Variants in CHEK2 observed in about 807,000 individuals in gnomAD.
The protein encoded by CHEK2 is serine/threonine-protein kinase Chk2.
Under a neutral mutation model 69.1 loss-of-function variants are expected in CHEK2, and 71 were observed. That is an observed-to-expected ratio of 1.03 (90% confidence interval 0.85 to 1.25). The LOEUF (loss-of-function observed/expected upper bound fraction) is 1.25, where lower values mean the gene tolerates loss of function less well. CHEK2 is among the 50% of genes most tolerant of loss of function. The pLI, the probability that CHEK2 is intolerant of heterozygous loss-of-function variation, is 0.00. For synonymous variants in CHEK2, 189 were observed against 226.9 expected, an observed-to-expected ratio of 0.83 and a Z score of 1.50; for missense variants, 664 against 649.6, an observed-to-expected ratio of 1.02 and a Z score of -0.24.
At chr22:28,718,304 G>C (rs1198558149) in intron 5 of CHEK2, among the ~76,000 whole-genome samples, 1 of 152,144 alleles carries the variant, frequency 6.6e-6, no homozygotes, top group Non-Finnish European at 1.5e-5. Context: ...GTGAAGAAAA[G>C]AGAACCCTGG....
chr22:28,698,910 A>G (rs1346402729), intron 9 of CHEK2, among the ~76,000 whole-genome samples: 5 of 152,168 alleles, frequency 3.3e-5, no homozygotes, highest in Admixed American at 3.3e-4. Flanking sequence ...CTCTGAGTTA[A>G]GAGAGACTTC....
chr22:28,704,802 CAA>C (rs2053044475), intron 7 of CHEK2, among the ~76,000 whole-genome samples: 1 of 152,106 alleles, frequency 6.6e-6, no homozygotes, highest in Non-Finnish European at 1.5e-5. Flanking sequence ...GTTTTAGATT[CAA>C]AAGAGTGGTA....
chr22:28,723,300 A>G (rs1308457095), intron 4 of CHEK2, among the ~76,000 whole-genome samples: 1 of 152,174 alleles, frequency 6.6e-6, no homozygotes, highest in African/African-American at 2.4e-5. Context: ...TACCTGGCAT[A>G]TAAAAAGAGC....
intron 2 of CHEK2, 127 bp downstream of exon 2, chr22:28,734,276 T>C: frequency 1.2e-6 from 1 of 809,972 alleles, no homozygotes; most frequent in Non-Finnish European, 2.0e-6. Flanking sequence ...TCATGCATGA[T>C]GTTCAATTAT....
Position 28,730,204 on chromosome 22 carries a change from G to C in CHEK2, c.319+4199C>G, listed in dbSNP as rs1240764420. ...TTCAGATATCAGAGGAGAAAGGAGAGAGGAAGAGAGAAGAGGAGAGAGAAG... is the reference window on the plus strand; with the variant it reads ...TTCAGATATCAGAGGAGAAAGGAGACAGGAAGAGAGAAGAGGAGAGAGAAG... On this transcript the variant is annotated intron_variant, in intron 2 of 14. Coordinates refer to ENST00000404276, the MANE Select transcript of CHEK2 (RefSeq NM_007194.4). Among the ~76,000 whole-genome samples, 3 of 138,296 alleles carry C rather than the reference G, an allele frequency of 2.2e-5. 1 individual carries two copies. The highest frequency in any genetic ancestry group is 8.1e-5 in the African/African-American group (3 of 36,818). 90.7% of individuals were successfully genotyped at this position (138,296 alleles called of 152,430 possible). A position where few individuals can be genotyped will look rare whatever the true frequency, so the allele number is the denominator to read the frequency against.
chr22:28,733,082 A>G (rs953286082), intron 2 of CHEK2, among the ~76,000 whole-genome samples: 2 of 152,180 alleles, frequency 1.3e-5, no homozygotes, highest in South Asian at 2.1e-4. Context: ...GTGAGCCACC[A>G]TGCCTGGCAA....
intron 5 of CHEK2, among the ~76,000 whole-genome samples, chr22:28,718,708 C>T (rs1337121318): frequency 6.6e-6 from 1 of 151,612 alleles, no homozygotes; most frequent in Non-Finnish European, 1.5e-5. Flanking sequence ...ATGGTAATAC[C>T]CCATCTCTAC....
At chr22:28,703,587 A>T in intron 7 of CHEK2, 21 bp from the exon 8 acceptor site, 1 of 1,488,830 alleles carries the variant, frequency 6.7e-7, no homozygotes, top group Non-Finnish European at 9.3e-7. Context: ...GGGGAGAAAA[A>T]AGGGAAAGTA....
intron 2 of CHEK2, among the ~76,000 whole-genome samples, chr22:28,733,929 A>G (rs1489234052): frequency 2.6e-5 from 4 of 151,986 alleles, no homozygotes; most frequent in Non-Finnish European, 4.4e-5. Flanking sequence ...TGCCAAAAAA[A>G]AAAAAAAAAA....
At chr22:28,698,268 G>A (rs2052672664) in intron 9 of CHEK2, among the ~76,000 whole-genome samples, 1 of 147,398 alleles carries the variant, frequency 6.8e-6, no homozygotes, top group Admixed American at 6.8e-5. Context: ...ATGGTGGCAG[G>A]CACCTGTAAT....
chr22:28,710,206 G>A, intron 6 of CHEK2, 147 bp from the exon 7 acceptor site: 1 of 597,210 alleles, frequency 1.7e-6, no homozygotes, highest in Non-Finnish European at 3.1e-6. Context: ...CCAGGTCAAT[G>A]ACTTAAATAC....
chr22:28,702,429 A>G (rs112564028), intron 8 of CHEK2, among the ~76,000 whole-genome samples: 6,915 of 150,394 alleles, frequency 0.046, 229 homozygotes, highest in African/African-American at 0.091. Flanking sequence ...TAGTAGAGAC[A>G]GGGTTTCACC....
rs758434121 is a variant in CHEK2, at chr22:28,696,938, A to T, written c.1058T>A (p.Val353Asp). 6.2e-7 allele frequency: 1 copy of T among 1,613,596 alleles called. No individual in the cohort carries two copies. Among genetic ancestry groups the T allele is most frequent in the Non-Finnish European group, 8.5e-7 (1 of 1,179,574 alleles). ...IIHRDLKPEN[V>D]LLSSQEEDCL... ...GTCCTCTTCTTGAGATGACAGTAAA[A>T]CATTCTCTGGCTTTAAGTCACGGTG... The change falls in exon 10 of 15, where the codon GTT becomes GAT. Residue 353 changes from valine (V) to aspartate (D), a missense_variant. By Grantham distance (152) the Val-to-Asp change is radical. Coordinates refer to ENST00000404276, the MANE Select transcript of CHEK2 (RefSeq NM_007194.4).
chr22:28,695,434 A>C (rs1265856536), intron 11 of CHEK2, among the ~76,000 whole-genome samples, 192 bp from the exon 12 acceptor site: 1 of 152,176 alleles, frequency 6.6e-6, no homozygotes, highest in Non-Finnish European at 1.5e-5. Context: ...AGGCAGGAGG[A>C]TCACTTGAGC....
At chr22:28,722,981 T>G (rs1216824994) in intron 4 of CHEK2, among the ~76,000 whole-genome samples, 12 of 152,182 alleles carry the variant, frequency 7.9e-5, no homozygotes, top group Non-Finnish European at 1.8e-4. Flanking sequence ...CTCCAAGTCA[T>G]TCGACTCTCA....
Position 28,695,252 on chromosome 22 carries a change from G to A in CHEK2, c.1260-10C>T, listed in dbSNP as rs730881706. 2 of 1,456,974 alleles carry A rather than the reference G, an allele frequency of 1.4e-6. No individual in the cohort carries two copies. The highest frequency in any genetic ancestry group is 1.7e-5 in the Admixed American group (1 of 59,732). 90.3% of individuals were successfully genotyped at this position (1,456,974 alleles called of 1,614,324 possible). A position where few individuals can be genotyped will look rare whatever the true frequency, so the allele number is the denominator to read the frequency against. On this transcript the variant is annotated splice_polypyrimidine_tract_variant and intron_variant, in intron 11 of 14. Transcript: ENST00000404276. ...TGGATACCCACTAAGGCTTAATATTGGTAGAGAGAGAAAGGAAAAGAAATC... is the reference window on the plus strand; with the variant it reads ...TGGATACCCACTAAGGCTTAATATTAGTAGAGAGAGAAAGGAAAAGAAATC...
intron 9 of CHEK2, among the ~76,000 whole-genome samples, chr22:28,698,630 G>A (rs2052690170): frequency 6.6e-6 from 1 of 152,136 alleles, no homozygotes; most frequent in Non-Finnish European, 1.5e-5. Flanking sequence ...GCAAGGAGTG[G>A]GTTTTCAAGA....
At chr22:28,712,080 T>C (rs2053423101) in intron 5 of CHEK2, 63 bp from the exon 6 acceptor site, 1 of 1,145,260 alleles carries the variant, frequency 8.7e-7, no homozygotes. Context: ...CTACCACTCC[T>C]GGGTCCACTT....
At chr22:28,727,652 A>T (rs1322253664) in intron 2 of CHEK2, among the ~76,000 whole-genome samples, 1 of 152,224 alleles carries the variant, frequency 6.6e-6, no homozygotes, top group East Asian at 1.9e-4. Flanking sequence ...GGTTCCTATA[A>T]ATCAGTGAAA....
Sources: allele counts gnomAD v4.1 joint callset (sites outside exome capture counted in the v4.1 genomes callset), GRCh38; gene constraint gnomAD v4.1.1; transcripts MANE v1.5; gene names NCBI Gene and HGNC (gene_info 2026-07-23, HGNC 2026-07-21).